TXNDC15: variants seen among roughly 807,000 people sequenced by gnomAD.
TXNDC15 encodes thioredoxin domain-containing protein 15.
TXNDC15 carries 24 observed loss-of-function variants against 35.0 expected under a neutral mutation model. That is an observed-to-expected ratio of 0.68 (90% CI 0.50 to 0.96). TXNDC15 has a LOEUF of 0.96. Ranked by LOEUF, TXNDC15 falls within the 40% of genes least tolerant of loss-of-function variation. The pLI, the probability that TXNDC15 is intolerant of heterozygous loss-of-function variation, is 0.00. For synonymous variants in TXNDC15, 169 were observed against 174.0 expected (o/e 0.97, Z 0.23); for missense variants, 385 against 453.3 (o/e 0.85, Z 1.37).
At chr5:134,887,219 C>G (rs959505761) in intron 1 of TXNDC15, among the ~76,000 whole-genome samples, 2 of 152,186 alleles carry the variant, frequency 1.3e-5, no homozygotes, top group African/African-American at 4.8e-5. Flanking sequence ...GAGTCTTGCT[C>G]TGTCGCCCAG....
At chr5:134,890,339 G>A (rs766871737) in intron 2 of TXNDC15, among the ~76,000 whole-genome samples, 97 of 150,558 alleles carry the variant, frequency 6.4e-4, no homozygotes, top group Non-Finnish European at 1.1e-3. Context: ...CCACAGTTTC[G>A]TTTCGTTTTT....
chr5:134,892,515 A>G (rs1353742922), intron 2 of TXNDC15: 1 of 152,236 alleles, frequency 6.6e-6, no homozygotes, highest in Non-Finnish European at 1.5e-5. Context: ...ATTTTTAAGC[A>G]TCAGAGGTCA....
intron 1 of TXNDC15, among the ~76,000 whole-genome samples, chr5:134,884,582 T>C (rs1389385843): frequency 6.8e-6 from 1 of 146,702 alleles, no homozygotes; most frequent in African/African-American, 2.5e-5. Flanking sequence ...TAGTTATTTT[T>C]TTGAGACAGG....
intron 3 of TXNDC15, among the ~76,000 whole-genome samples, chr5:134,895,515 T>C (rs760683547): frequency 2.0e-5 from 3 of 152,250 alleles, no homozygotes; most frequent in Non-Finnish European, 2.9e-5. Context: ...ATCTTAATTA[T>C]GGAGACTAAG....
chr5:134,883,039 C>G (rs563433993), intron 1 of TXNDC15, among the ~76,000 whole-genome samples: 1 of 151,880 alleles, frequency 6.6e-6, no homozygotes, highest in African/African-American at 2.4e-5. Context: ...CCTGTAATCC[C>G]AGAATTTGGG....
At chr5:134,893,347 C>A in intron 2 of TXNDC15, 145 bp from the exon 3 acceptor site, 1 of 880,818 alleles carries the variant, frequency 1.1e-6, no homozygotes, top group Non-Finnish European at 1.8e-6. Flanking sequence ...GGTTCAAAAT[C>A]CAAAAGGTTC....
At chr5:134,879,510 C>T (rs1750099454) in intron 1 of TXNDC15, among the ~76,000 whole-genome samples, 1 of 152,152 alleles carries the variant, frequency 6.6e-6, no homozygotes. Context: ...CCTGCTTTGT[C>T]TTGTGGCTGA....
Position 134,893,486 on chromosome 5 carries a change from C to T in TXNDC15, c.592-6C>T, listed in dbSNP as rs1280713527. ...CTAACTTTAATGCTTGTTTCTTTTA[C>T]CACAGGACCTTATGGATTTTCTGAA... On this transcript the variant is annotated splice_polypyrimidine_tract_variant and splice_region_variant and intron_variant, in intron 2 of 4. Coordinates refer to ENST00000358387, the MANE Select transcript of TXNDC15 (RefSeq NM_024715.4). The T allele has an allele frequency of 1.2e-6, 2 of 1,614,064 alleles. No individual in the cohort carries two copies. The highest frequency in any genetic ancestry group is 2.2e-5 in the East Asian group (1 of 44,868).
intron 1 of TXNDC15, among the ~76,000 whole-genome samples, chr5:134,884,576 TA>T (rs1750237764): frequency 6.6e-6 from 1 of 151,516 alleles, no homozygotes. Context: ...TTTATTTAGT[TA>T]TTTTTTTGAG....
At chr5:134,881,432 A>G (rs1322840513) in intron 1 of TXNDC15, among the ~76,000 whole-genome samples, 2 of 89,872 alleles carry the variant, frequency 2.2e-5, no homozygotes, top group African/African-American at 9.0e-5. Flanking sequence ...AACAAAGCAC[A>G]TCTTGCACCG....
At chr5:134,885,046 C>G (rs985403925) in intron 1 of TXNDC15, among the ~76,000 whole-genome samples, 4 of 152,008 alleles carry the variant, frequency 2.6e-5, no homozygotes, top group African/African-American at 7.2e-5. Context: ...CCTCAGCCTA[C>G]CGAGTAGCTA....
Position 134,888,026 on chromosome 5 carries a change from G to A in TXNDC15, c.435G>A (p.Glu145=). 6.2e-7 allele frequency: 1 copy of A among 1,614,202 alleles called. No homozygotes were observed. ...GAGCACACTTCCCTGACAGAGAAGAGGAGTATTACACAGAGCCAGAAGTGG... is the reference window on the plus strand; with the variant it reads ...GAGCACACTTCCCTGACAGAGAAGAAGAGTATTACACAGAGCCAGAAGTGG... ...GAGAHFPDRE[E]EYYTEPEVAE... Residue 145 remains glutamate, a synonymous_variant, in exon 2 of 5, where the codon GAG becomes GAA. Transcript: ENST00000358387.
chr5:134,877,247 A>G (rs1289162380), intron 1 of TXNDC15, among the ~76,000 whole-genome samples: 1 of 152,132 alleles, frequency 6.6e-6, no homozygotes, highest in East Asian at 1.9e-4. Context: ...AGGTGGGGAT[A>G]GGAGGAGTGT....
intron 3 of TXNDC15, 72 bp downstream of exon 3, chr5:134,893,727 G>C (rs1410372623): frequency 2.5e-5 from 40 of 1,590,562 alleles, no homozygotes; most frequent in Admixed American, 1.7e-5. Context: ...GTCCTAATTA[G>C]TTAAGTTAGA....
intron 1 of TXNDC15, 109 bp from the exon 2 acceptor site, chr5:134,887,586 C>A (rs535145762): frequency 2.9e-6 from 4 of 1,381,420 alleles, no homozygotes; most frequent in African/African-American, 2.9e-5. Context: ...TGAAAGGAGA[C>A]CTTTTTGTCT....
At position 134,901,251 on chromosome 5, in the gene TXNDC15, C is replaced by T. The variant is rs762949772; in HGVS notation, c.*1566C>T. The T allele has an allele frequency of 2.0e-5, 3 of 152,192 alleles. No individual in the cohort carries two copies. The highest frequency in any genetic ancestry group is 4.4e-5 in the Non-Finnish European group (3 of 68,044). The allele number at this position is 152,192 out of a possible 1,614,324, so 9.4% of individuals were successfully genotyped here. A position where few individuals can be genotyped will look rare whatever the true frequency, so the allele number is the denominator to read the frequency against. On this transcript the variant is annotated 3_prime_UTR_variant, in exon 5 of 5. Coordinates refer to ENST00000358387, the MANE Select transcript of TXNDC15 (RefSeq NM_024715.4). ...CCTAAATTCTATAGAAATAAAACCT[C>T]AGATGAGTCTCCTTCTTAGAGTGTT...
intron 1 of TXNDC15, among the ~76,000 whole-genome samples, chr5:134,880,856 T>TC (rs971310734): frequency 1.0e-3 from 156 of 152,296 alleles, no homozygotes; most frequent in Non-Finnish European, 2.4e-4. Context: ...TTGTTTTTTT[T>TC]CCTCTGGCTG....
intron 4 of TXNDC15, 40 bp from the exon 5 acceptor site, chr5:134,899,445 GGTGC>G: frequency 6.4e-7 from 1 of 1,562,518 alleles, no homozygotes; most frequent in Non-Finnish European, 8.7e-7. Context: ...ATCTGTGGTG[GGTGC>G]TTTTTCTGCC....
In TXNDC15 at chr5:134,887,713, G is replaced by A. The variant is rs1031769084; in HGVS notation, c.122G>A (p.Arg41His). 8 of 1,578,528 alleles carry A rather than the reference G, an allele frequency of 5.1e-6. No homozygotes were observed. The highest frequency in any genetic ancestry group is 1.1e-5 in the South Asian group (1 of 86,998). The change falls in exon 2 of 5, where the codon CGC (arginine) becomes CAC (histidine). Residue 41 changes from arginine (R) to histidine (H), a missense_variant. Coordinates refer to ENST00000358387, the MANE Select transcript of TXNDC15 (RefSeq NM_024715.4). ...RGVEVAEESG[R>H]LWSEEQPAHP... The stretch of plus-strand genomic sequence containing the variant: ...GTTTTAGTTGCAGAGGAAAGTGGTC[G>A]CTTATGGTCAGAGGAGCAGCCTGCT...
Sources: gnomAD v4.1 joint callset for allele counts (sites outside exome capture counted in the v4.1 genomes callset) on GRCh38, gnomAD v4.1.1 for gene constraint, MANE v1.5 for transcripts, NCBI Gene and HGNC (gene_info 2026-07-23, HGNC 2026-07-21) for gene names.